The following U2SURP variants were observed in gnomAD, a reference collection of about 807,000 sequenced individuals.
The protein encoded by U2SURP is U2 snRNP associated SURP domain containing, also known as U2 snRNP-associated SURP motif-containing protein.
A neutral mutation model predicts 144.9 loss-of-function variants in U2SURP; 9 were observed. The ratio of observed to expected loss-of-function variants is 0.06; its 90% CI spans 0.04 to 0.11. U2SURP has a LOEUF of 0.11. U2SURP is among the 10% of genes least tolerant of loss of function. The pLI is 1.00. For missense variants in U2SURP, 724 were observed against 1,226.7 expected (o/e 0.59, Z 6.12); for synonymous variants, 408 against 396.8 (o/e 1.03, Z -0.33).
At chr3:143,015,676 A>G (rs1936336796) in intron 4 of U2SURP, among the ~76,000 whole-genome samples, 1 of 152,020 alleles carries the variant, frequency 6.6e-6, no homozygotes, top group Admixed American at 6.6e-5. Flanking sequence ...CTAAATTTCC[A>G]CATGCTATTC....
At chr3:143,024,571 CCTTT>C in intron 13 of U2SURP, 1 of 414,604 alleles carries the variant, frequency 2.4e-6, no homozygotes, top group South Asian at 1.8e-5. Context: ...CTTTTATTTT[CCTTT>C]CTTCCTTTTT....
At chr3:143,014,432 A>G (rs1263596305) in intron 4 of U2SURP, 23 bp downstream of exon 4, 5 of 1,514,958 alleles carry the variant, frequency 3.3e-6, no homozygotes, top group Non-Finnish European at 3.6e-6. Context: ...ATGTATTTTG[A>G]ATTATCCTTG....
chr3:143,038,855 T>A, intron 22 of U2SURP, 39 bp from the exon 23 acceptor site: 1 of 1,468,032 alleles, frequency 6.8e-7, no homozygotes, highest in Non-Finnish European at 9.1e-7. Context: ...AATGCTAGTT[T>A]ACCTCGTGGA....
At chr3:143,020,087 C>A in intron 7 of U2SURP, 51 bp downstream of exon 7, 2 of 1,147,602 alleles carry the variant, frequency 1.7e-6, no homozygotes, top group Non-Finnish European at 2.4e-6. Flanking sequence ...TGAGCTGATA[C>A]ATAAACAGAT....
At chr3:143,007,608 A>AT (rs1197217099) in intron 1 of U2SURP, among the ~76,000 whole-genome samples, 1 of 151,696 alleles carries the variant, frequency 6.6e-6, no homozygotes, top group African/African-American at 2.4e-5. Flanking sequence ...CACCTGGCCA[A>AT]TTTTTTGTAT....
chr3:143,009,172 T>G (rs1189922494), intron 1 of U2SURP, among the ~76,000 whole-genome samples: 1 of 152,236 alleles, frequency 6.6e-6, no homozygotes, highest in Non-Finnish European at 1.5e-5. Context: ...AAGATATGTT[T>G]CAGGGTGTGT....
At chr3:143,036,984 G>C in intron 20 of U2SURP, 195 bp from the exon 21 acceptor site, 1 of 554,416 alleles carries the variant, frequency 1.8e-6, no homozygotes, top group Non-Finnish European at 3.1e-6. Context: ...GCACCAGTGA[G>C]CACTTGGTAA....
chr3:143,004,134 A>G (rs564400017), intron 1 of U2SURP, among the ~76,000 whole-genome samples: 23 of 152,312 alleles, frequency 1.5e-4, no homozygotes, highest in Middle Eastern at 6.8e-3. Flanking sequence ...TGAGTGGCTT[A>G]TATTTTACAA....
At position 143,027,383 on chromosome 3, in the gene U2SURP, C is replaced by T. The variant is rs577488267; in HGVS notation, c.1379+130C>T. ...TACAACCATCACCACCATCCATCTC[C>T]AGAACTTTTTTCATCTTCCAAAATG... On this transcript the variant is annotated intron_variant, in intron 14 of 27. Transcript: ENST00000473835. 421 of 668,862 alleles carry T rather than the reference C, an allele frequency of 6.3e-4. 3 individuals carry two copies. The African/African-American group carries it at 7.1e-3, about 11-fold the overall frequency. 41.4% of individuals were successfully genotyped at this position (668,862 alleles called of 1,614,324 possible). A position where few individuals can be genotyped will look rare whatever the true frequency, so the allele number is the denominator to read the frequency against.
At chr3:143,014,257 A>AAAATTT in intron 3 of U2SURP, 54 bp from the exon 4 acceptor site, 1 of 1,216,942 alleles carries the variant, frequency 8.2e-7, no homozygotes, top group South Asian at 1.5e-5. Flanking sequence ...TGTGTATTAA[A>AAAATTT]GTTTTAGATA....
At position 143,051,868 on chromosome 3, in the gene U2SURP, GAGTTAGATA is replaced by G. The variant is rs558661102; in HGVS notation, c.2655+821_2655+829del. On this transcript the variant is annotated intron_variant, in intron 25 of 27. Transcript: ENST00000473835. ...GATACTCCCAATTTTGTAAGATTAT[GAGTTAGATA>G]ATAGCTAATATTATTACTGTTACTC... Among the ~76,000 whole-genome samples, 140 of 152,112 alleles carry G rather than the reference GAGTTAGATA, an allele frequency of 9.2e-4. 1 individual carries two copies. The highest frequency in any genetic ancestry group is 3.2e-3 in the African/African-American group (133 of 41,506).
chr3:143,001,820 G>T (rs1228584399), intron 1 of U2SURP, 147 bp downstream of exon 1: 19 of 1,070,310 alleles, frequency 1.8e-5, no homozygotes, highest in African/African-American at 3.2e-5. Flanking sequence ...ACCGTTGTGC[G>T]CAGGTTGAGA....
intron 1 of U2SURP, among the ~76,000 whole-genome samples, chr3:143,006,737 C>T (rs896126448): frequency 6.6e-6 from 1 of 151,902 alleles, no homozygotes; most frequent in Admixed American, 6.6e-5. Flanking sequence ...AGCGAAACTC[C>T]GTCTCAAAAA....
rs747700692 is a variant in U2SURP, at chr3:143,020,706, T to C, written c.733+13T>C. ...CAGCGTCGTTCTAGTAAGTGGCATT[T>C]ATTTTAATGTGTATGCTTGTGATTA... is the stretch of plus-strand genomic sequence containing the variant. On this transcript the variant is annotated intron_variant, in intron 8 of 27. Coordinates refer to ENST00000473835, the MANE Select transcript of U2SURP (RefSeq NM_001080415.2). 1.9e-6 allele frequency: 3 copies of C among 1,593,534 alleles called. No individual in the cohort carries two copies. Among genetic ancestry groups the C allele is most frequent in the African/African-American group, 2.7e-5 (2 of 74,558 alleles).
rs548746646 is a variant in U2SURP, at chr3:143,012,205, T to C, written c.91-17T>C. 6.2e-6 allele frequency: 10 copies of C among 1,605,412 alleles called. No individual in the cohort carries two copies. The African/African-American group carries it at 1.3e-4, about 22-fold the overall frequency. ...ATGTGTGGTTTGTTTTTTTCTCTTG[T>C]TTTACTTTTCCTGAAGATGGATGCA... On this transcript the variant is annotated splice_polypyrimidine_tract_variant and intron_variant, in intron 2 of 27. Coordinates refer to ENST00000473835, the MANE Select transcript of U2SURP (RefSeq NM_001080415.2).
chr3:143,005,764 A>C (rs1935798673), intron 1 of U2SURP, among the ~76,000 whole-genome samples: 1 of 147,932 alleles, frequency 6.8e-6, no homozygotes, highest in African/African-American at 2.5e-5. Context: ...AAAGATACCC[A>C]TTTGCCTTAC....
intron 24 of U2SURP, among the ~76,000 whole-genome samples, chr3:143,043,744 A>C (rs933186262): frequency 6.6e-6 from 1 of 150,628 alleles, no homozygotes; most frequent in Non-Finnish European, 1.5e-5. Flanking sequence ...TATGTAATAC[A>C]TTATGTGTTA....
Position 143,012,163 on chromosome 3 carries a change from G to A in U2SURP, c.91-59G>A. 6 of 1,570,460 alleles carry A rather than the reference G, an allele frequency of 3.8e-6. No homozygotes were observed. In the South Asian group the frequency reaches 7.0e-5, roughly 18 times the overall value. On this transcript the variant is annotated intron_variant, in intron 2 of 27. Coordinates refer to ENST00000473835, the MANE Select transcript of U2SURP (RefSeq NM_001080415.2). Reference sequence around the variant, plus strand: ...TGGCATGGCTTATTCCTAGTTTTCAGTGCTATATATGTATATATGTGTGGT... The same window carrying A: ...TGGCATGGCTTATTCCTAGTTTTCAATGCTATATATGTATATATGTGTGGT...
At chr3:143,055,976 A>C (rs1356192404) in intron 27 of U2SURP, among the ~76,000 whole-genome samples, 1 of 152,094 alleles carries the variant, frequency 6.6e-6, no homozygotes, top group Non-Finnish European at 1.5e-5. Flanking sequence ...TAAAGGTTCA[A>C]ATTTGGGGGT....
Sources: allele counts gnomAD v4.1 joint callset (sites outside exome capture counted in the v4.1 genomes callset), GRCh38; gene constraint gnomAD v4.1.1; transcripts MANE v1.5; gene names NCBI Gene and HGNC (gene_info 2026-07-23, HGNC 2026-07-21).